Variants in ZFPM2 observed in about 807,000 individuals in gnomAD.
ZFPM2 encodes zinc finger protein, FOG family member 2.
ZFPM2 carries 20 observed loss-of-function variants against 98.6 expected under a neutral mutation model. The observed-to-expected ratio is 0.20, with a 90% CI of 0.14 to 0.29. ZFPM2 has a LOEUF of 0.29. ZFPM2 is among the 10% of genes least tolerant of loss of function. ZFPM2 has a pLI of 1.00. For missense variants in ZFPM2, 1,310 were observed against 1,388.6 expected (o/e 0.94, Z 0.90); for synonymous variants, 518 against 502.7 (o/e 1.03, Z -0.41).
chr8:105,608,945 T>G (rs182321153), intron 4 of ZFPM2, among the ~76,000 whole-genome samples: 2 of 152,030 alleles, frequency 1.3e-5, no homozygotes, highest in East Asian at 1.9e-4. Flanking sequence ...GGGGCGTATA[T>G]CAACATTGCT....
chr8:105,334,182 C>T (rs1291177690), intron 1 of ZFPM2, among the ~76,000 whole-genome samples: 1 of 139,934 alleles, frequency 7.1e-6, no homozygotes, highest in Non-Finnish European at 1.5e-5. Flanking sequence ...GGTTTGGGGC[C>T]AGAAAATCAG....
intron 1 of ZFPM2, among the ~76,000 whole-genome samples, chr8:105,353,589 T>G (rs1262185579): frequency 6.6e-6 from 1 of 152,206 alleles, no homozygotes; most frequent in Admixed American, 6.5e-5. Context: ...ATTTTTTGGC[T>G]ACATCTCCAG....
rs1814103101 is a variant in ZFPM2 at position 105,803,340 on chromosome 8, C to T, written c.3258C>T (p.Ala1086=). The change falls in exon 8 of 8, where the codon GCC becomes GCT. Residue 1086 remains alanine, a synonymous_variant. Coordinates refer to ENST00000407775, the MANE Select transcript of ZFPM2 (RefSeq NM_012082.4). ...PSWISENPLA[A]NENVSPGIPS... ...GGATCTCTGAGAACCCATTAGCTGC[C>T]AATGAGAATGTCTCACCAGGAATTC... The T allele has an allele frequency of 7.5e-6, 12 of 1,608,262 alleles. No individual in the cohort carries two copies. Among genetic ancestry groups the T allele is most frequent in the Non-Finnish European group, 1.0e-5 (12 of 1,176,316 alleles).
chr8:105,623,076 T>C (rs1789806223), intron 4 of ZFPM2, among the ~76,000 whole-genome samples: 1 of 152,196 alleles, frequency 6.6e-6, no homozygotes, highest in Admixed American at 6.6e-5. Flanking sequence ...ATAATATTTC[T>C]GTTACTAAAA....
chr8:105,501,946 C>A (rs551212198), intron 3 of ZFPM2, among the ~76,000 whole-genome samples: 6 of 151,954 alleles, frequency 3.9e-5, no homozygotes, highest in Admixed American at 6.6e-5. Flanking sequence ...AATATATATT[C>A]TTTAGATGAT....
intron 3 of ZFPM2, among the ~76,000 whole-genome samples, chr8:105,554,557 G>A (rs1003622862): frequency 3.3e-5 from 5 of 152,134 alleles, no homozygotes; most frequent in African/African-American, 1.2e-4. Context: ...TGACGCTATA[G>A]CCTTCTGCTA....
chr8:105,503,888 G>A (rs1292549950), intron 3 of ZFPM2, among the ~76,000 whole-genome samples: 4 of 152,184 alleles, frequency 2.6e-5, no homozygotes, highest in Non-Finnish European at 5.9e-5. Flanking sequence ...TCCTTGGCTT[G>A]CAGTAGAAGA....
chr8:105,372,347 T>C (rs1309404947), intron 1 of ZFPM2, among the ~76,000 whole-genome samples: 9 of 152,114 alleles, frequency 5.9e-5, no homozygotes, highest in Non-Finnish European at 1.5e-5. Context: ...CGGCCTATTA[T>C]TTTTAGTACT....
chr8:105,622,954 C>T (rs538543184), intron 4 of ZFPM2, among the ~76,000 whole-genome samples: 95 of 152,128 alleles, frequency 6.2e-4, no homozygotes, highest in African/African-American at 2.2e-3. Flanking sequence ...TGTTCTTATA[C>T]CCATCTATAA....
chr8:105,432,497 T>C (rs1812040132), intron 2 of ZFPM2, among the ~76,000 whole-genome samples: 1 of 152,226 alleles, frequency 6.6e-6, no homozygotes, highest in East Asian at 1.9e-4. Flanking sequence ...ACTTTGATAA[T>C]GAGTGATTGC....
chr8:105,741,259 A>G (rs574123743), intron 5 of ZFPM2, among the ~76,000 whole-genome samples: 30 of 152,214 alleles, frequency 2.0e-4, no homozygotes, highest in Admixed American at 9.2e-4. Context: ...AGCGTCTTTG[A>G]TGACACTGAA....
At chr8:105,333,363 C>A (rs908405518) in intron 1 of ZFPM2, among the ~76,000 whole-genome samples, 2 of 151,654 alleles carry the variant, frequency 1.3e-5, no homozygotes, top group Non-Finnish European at 3.0e-5. Flanking sequence ...AGAGCAGTAT[C>A]TTTTTAATTG....
chr8:105,801,397 G>GAC lies in ZFPM2; in HGVS notation c.1317_1318dup (p.Lys440ThrfsTer32). The GAC allele has an allele frequency of 6.2e-7, 1 of 1,613,862 alleles. No individual in the cohort carries two copies. On this transcript the variant is annotated frameshift_variant, in exon 8 of 8. Coordinates refer to ENST00000407775, the MANE Select transcript of ZFPM2 (RefSeq NM_012082.4). LOFTEE classifies it high-confidence loss of function. Reference sequence around the variant, plus strand: ...AGATGCGAGCTCTGACACAGAGCTGGACAAGTGTGAGAAAAAGACTCAGCT... The same window carrying GAC: ...AGATGCGAGCTCTGACACAGAGCTGGACACAAGTGTGAGAAAAAGACTCAGCT...
At chr8:105,689,235 G>A (rs1015552286) in intron 5 of ZFPM2, among the ~76,000 whole-genome samples, 1 of 152,092 alleles carries the variant, frequency 6.6e-6, no homozygotes, top group African/African-American at 2.4e-5. Context: ...ATTCTATCAA[G>A]TCACACATCA....
intron 6 of ZFPM2, among the ~76,000 whole-genome samples, chr8:105,790,627 G>C (rs1813580955): frequency 6.6e-6 from 1 of 152,122 alleles, no homozygotes; most frequent in Non-Finnish European, 1.5e-5. Context: ...CCAATTCTGT[G>C]AAGGAAGTCA....
intron 5 of ZFPM2, among the ~76,000 whole-genome samples, chr8:105,667,488 T>C (rs1048493849): frequency 4.6e-5 from 7 of 152,230 alleles, no homozygotes; most frequent in Non-Finnish European, 8.8e-5. Flanking sequence ...GGAAAAGTTC[T>C]TGATGTGGTG....
intron 1 of ZFPM2, among the ~76,000 whole-genome samples, chr8:105,373,239 A>G (rs1810658918): frequency 6.6e-6 from 1 of 152,192 alleles, no homozygotes; most frequent in Non-Finnish European, 1.5e-5. Context: ...TTTAATTTTT[A>G]CTTCCTCAGT....
chr8:105,735,558 A>T (rs1812047227), intron 5 of ZFPM2, among the ~76,000 whole-genome samples: 1 of 152,014 alleles, frequency 6.6e-6, no homozygotes, highest in African/African-American at 2.4e-5. Context: ...TTCCCTGTGT[A>T]TATAAAATAT....
At chr8:105,782,991 T>A (rs530949536) in intron 5 of ZFPM2, among the ~76,000 whole-genome samples, 1 of 152,028 alleles carries the variant, frequency 6.6e-6, no homozygotes, top group African/African-American at 2.4e-5. Flanking sequence ...GAAACTCAGA[T>A]CAATCAAGTA....
Sources: allele counts gnomAD v4.1 joint callset (sites outside exome capture counted in the v4.1 genomes callset), GRCh38; gene constraint gnomAD v4.1.1; transcripts MANE v1.5; gene names NCBI Gene and HGNC (gene_info 2026-07-23, HGNC 2026-07-21).